SYT6: variants seen among roughly 807,000 people sequenced by gnomAD.
SYT6 encodes the protein synaptotagmin 6.
In SYT6, 24 loss-of-function variants were observed where a neutral mutation model predicts 38.4. The ratio of observed to expected loss-of-function variants is 0.62; its 90% CI spans 0.45 to 0.88. SYT6 has a LOEUF of 0.88. Among genes scored for constraint, SYT6 ranks in the 40% least tolerant of loss-of-function variants. The pLI, the probability that SYT6 is intolerant of heterozygous loss-of-function variation, is 0.00. For missense variants in SYT6, 611 were observed against 621.0 expected (o/e 0.98, Z 0.17); for synonymous variants, 265 against 241.9 (o/e 1.10, Z -0.89).
At position 114,093,733 on chromosome 1, in the gene SYT6, A is replaced by C; in HGVS notation, c.*51+2T>G. The C allele has an allele frequency of 6.2e-7, 1 of 1,613,390 alleles. No individual in the cohort carries two copies. The highest frequency in any genetic ancestry group is 1.1e-5 in the South Asian group (1 of 90,944). ...GTCTTTGGGTCCACACCAGGTACTT[A>C]CTCCTAACTCCAGGTGGCAGTCTCT... On this transcript the variant is annotated splice_donor_variant, in intron 7 of 7. Transcript: ENST00000610222. LOFTEE classifies it low-confidence loss of function (3UTR_SPLICE).
intron 3 of SYT6, among the ~76,000 whole-genome samples, chr1:114,108,891 C>T (rs1455270661): frequency 6.6e-6 from 1 of 152,198 alleles, no homozygotes; most frequent in Admixed American, 6.5e-5. Flanking sequence ...TTGTCTGAAT[C>T]TCTCATCATC....
chr1:114,104,350 T>G (rs1676149927), intron 3 of SYT6, among the ~76,000 whole-genome samples: 2 of 152,212 alleles, frequency 1.3e-5, no homozygotes, highest in Admixed American at 1.3e-4. Flanking sequence ...TGGTCATCCT[T>G]TAAAAATAAA....
chr1:114,143,593 A>ATATGCACTG (rs1187780651), intron 1 of SYT6, among the ~76,000 whole-genome samples: 2 of 150,040 alleles, frequency 1.3e-5, no homozygotes, highest in Admixed American at 1.3e-4. Context: ...TATAACTTTT[A>ATATGCACTG]TATGCACTGG....
At chr1:114,107,941 G>A (rs1676427886) in intron 3 of SYT6, among the ~76,000 whole-genome samples, 1 of 152,216 alleles carries the variant, frequency 6.6e-6, no homozygotes, top group African/African-American at 2.4e-5. Context: ...CTGCCTTAGG[G>A]CCCCTGACTG....
chr1:114,119,328 T>C (rs928389856), intron 3 of SYT6, among the ~76,000 whole-genome samples: 1 of 152,194 alleles, frequency 6.6e-6, no homozygotes, highest in African/African-American at 2.4e-5. Flanking sequence ...ACCTACTGGA[T>C]GCAAGGCCAG....
At position 114,153,716 on chromosome 1, in the gene SYT6, G is replaced by A; in HGVS notation, c.57C>T (p.Leu19=). ...GCGGCCGGGCCCGGCACAGCGAGGC[G>A]AGGACCGCGAGCGCCTCCTGGCACC... ...GPRCQEALAV[L]ASLCRARPPP... The change falls in exon 1 of 8, where the codon CTC becomes CTT. Residue 19 remains leucine (L), a synonymous_variant. Coordinates refer to ENST00000610222, the MANE Select transcript of SYT6 (RefSeq NM_001253772.2). 1.5e-6 allele frequency: 1 copy of A among 682,442 alleles called. No individual in the cohort carries two copies. The allele number at this position is 682,442 out of a possible 1,614,324, so 42.3% of individuals were successfully genotyped here.
At chr1:114,100,232 G>T (rs887734024) in intron 4 of SYT6, among the ~76,000 whole-genome samples, 21 of 152,176 alleles carry the variant, frequency 1.4e-4, no homozygotes, top group African/African-American at 5.1e-4. Flanking sequence ...CTCAAGAAAT[G>T]GGAGGGCGGC....
At chr1:114,145,363 G>A (rs1226847368) in intron 1 of SYT6, among the ~76,000 whole-genome samples, 3 of 152,168 alleles carry the variant, frequency 2.0e-5, no homozygotes, top group African/African-American at 7.2e-5. Context: ...AGGCACAGAA[G>A]GTTAAATAGA....
At chr1:114,106,718 A>C (rs1571833844) in intron 3 of SYT6, among the ~76,000 whole-genome samples, 1 of 149,956 alleles carries the variant, frequency 6.7e-6, no homozygotes, top group African/African-American at 2.5e-5. Flanking sequence ...CCCACACCAC[A>C]CCCCCATGGA....
chr1:114,153,712 A>T lies in SYT6; in HGVS notation c.61T>A (p.Ser21Thr), dbSNP rs1439749515. 1 of 680,598 alleles carries T rather than the reference A, an allele frequency of 1.5e-6. No homozygotes were observed. The highest frequency in any genetic ancestry group is 1.9e-5 in the African/African-American group (1 of 53,638). 42.2% of individuals were successfully genotyped at this position (680,598 alleles called of 1,614,324 possible). A position where few individuals can be genotyped will look rare whatever the true frequency, so the allele number is the denominator to read the frequency against. The part of the protein sequence containing the change: ...RCQEALAVLA[S>T]LCRARPPPLG... ...GGGGGCGGCCGGGCCCGGCACAGCG[A>T]GGCGAGGACCGCGAGCGCCTCCTGG... Residue 21 changes from serine (S) to threonine (T), a missense_variant, in exon 1 of 8, where the codon TCG becomes ACG. Coordinates refer to ENST00000610222, the MANE Select transcript of SYT6 (RefSeq NM_001253772.2).
chr1:114,116,343 G>C (rs1020779181), intron 3 of SYT6, among the ~76,000 whole-genome samples: 2 of 152,132 alleles, frequency 1.3e-5, no homozygotes, highest in Non-Finnish European at 2.9e-5. Flanking sequence ...TCCCCAACGC[G>C]GCAGTTCAGT....
chr1:114,104,796 A>C lies in SYT6; in HGVS notation c.1072-1075T>G, dbSNP rs1370975207. On this transcript the variant is annotated intron_variant, in intron 3 of 7. Transcript: ENST00000610222. ...AAAACAGACAAAAATCCCTGTTTTC[A>C]TGGAACTTAAAAAATAAATTTCAAC... 5.9e-5 allele frequency among the ~76,000 whole-genome samples: 9 copies of C among 152,146 alleles called. No homozygotes were observed. The East Asian group carries it at 1.7e-3, about 29-fold the overall frequency.
intron 3 of SYT6, among the ~76,000 whole-genome samples, chr1:114,104,178 C>T (rs1676136944): frequency 6.6e-6 from 1 of 152,218 alleles, no homozygotes; most frequent in Admixed American, 6.5e-5. Flanking sequence ...CTTCAGCTGT[C>T]CCCTCTCCCA....
At chr1:114,097,649 G>A in intron 6 of SYT6, 78 bp downstream of exon 6, 1 of 1,551,508 alleles carries the variant, frequency 6.4e-7, no homozygotes, top group Non-Finnish European at 8.8e-7. Flanking sequence ...GGCCGAGGGT[G>A]TCACTGCAGC....
intron 1 of SYT6, among the ~76,000 whole-genome samples, chr1:114,150,022 G>C (rs1331155466): frequency 1.3e-5 from 2 of 152,130 alleles, no homozygotes. Context: ...GTGCCACCCA[G>C]TTTAGTCGGA....
intron 3 of SYT6, among the ~76,000 whole-genome samples, chr1:114,136,935 T>A (rs751505382): frequency 5.6e-4 from 86 of 152,214 alleles, no homozygotes; most frequent in Non-Finnish European, 9.4e-4. Flanking sequence ...TGCGTGGAAG[T>A]TTTAATAAAC....
intron 3 of SYT6, among the ~76,000 whole-genome samples, chr1:114,123,967 C>T (rs1677568666): frequency 1.9e-5 from 1 of 53,998 alleles, no homozygotes; most frequent in Admixed American, 2.3e-4. Flanking sequence ...TGGCTGAGAC[C>T]CCATCCGGCT....
chr1:114,105,445 G>A lies in SYT6; in HGVS notation c.1072-1724C>T, dbSNP rs565199603. Among the ~76,000 whole-genome samples the A allele has an allele frequency of 1.1e-4, 9 of 79,674 alleles. No individual in the cohort carries two copies. In the East Asian group the frequency reaches 6.2e-3, roughly 55 times the overall value. The allele number at this position is 79,674 out of a possible 152,430, so 52.3% of individuals were successfully genotyped here. On this transcript the variant is annotated intron_variant, in intron 3 of 7. Coordinates refer to ENST00000610222, the MANE Select transcript of SYT6 (RefSeq NM_001253772.2). ...GATTTGTCTTTTTGTCCAGGCCCCC[G>A]AAAAAAGTCACCCCCCAAATCAAAT...
chr1:114,143,113 T>C (rs1678951552), intron 1 of SYT6, among the ~76,000 whole-genome samples: 1 of 147,904 alleles, frequency 6.8e-6, no homozygotes, highest in Non-Finnish European at 1.5e-5. Context: ...TTATACTGTG[T>C]GTATATGTAT....
Sources: allele counts gnomAD v4.1 joint callset (sites outside exome capture counted in the v4.1 genomes callset), GRCh38; gene constraint gnomAD v4.1.1; transcripts MANE v1.5; gene names NCBI Gene and HGNC (gene_info 2026-07-23, HGNC 2026-07-21).